SHBG: variants seen among roughly 807,000 people sequenced by gnomAD.
SHBG encodes the protein sex hormone-binding globulin.
Under a neutral mutation model 41.9 loss-of-function variants are expected in SHBG, and 37 were observed. The observed-to-expected ratio is 0.88, with a 90% CI of 0.68 to 1.16. The LOEUF is 1.16. Ranked by LOEUF, SHBG falls within the 50% of genes most tolerant of loss-of-function variation. The pLI is 0.00. For synonymous variants in SHBG, 217 were observed against 205.8 expected (o/e 1.05, Z -0.47); for missense variants, 466 against 499.9 (o/e 0.93, Z 0.65).
upstream of SHBG, chr17:7,630,068 C>T (rs2072347248): frequency 1.6e-5 from 15 of 954,202 alleles, no homozygotes; most frequent in East Asian, 3.6e-4. This position sits in a 1 kb window ranked among gnomAD's most constrained non-coding sequence, Gnocchi z 4.6. Flanking sequence ...TTTACCCCCT[C>T]CTCCCCGGGC....
Position 7,632,873 on chromosome 17 carries a change from C to A in SHBG, c.974C>A (p.Ala325Asp), listed in dbSNP as rs376443864. The A allele has an allele frequency of 1.9e-5, 31 of 1,614,052 alleles. No individual in the cohort carries two copies. Among genetic ancestry groups the A allele is most frequent in the East Asian group, 1.6e-4 (7 of 44,894 alleles). Reference protein sequence around the residue: ...VVLSQGSKMKALALPPLGLAP... With the variant: ...VVLSQGSKMKDLALPPLGLAP... ...TTGAGCCAAGGGTCGAAGATGAAGG[C>A]CCTTGCCCTGCCTCCCTTAGGCCTG... The change falls in exon 7 of 8, where the codon GCC becomes GAC. Residue 325 changes from alanine to aspartate, a missense_variant. Transcript: ENST00000380450.
rs566103575 is a variant in SHBG at position 7,630,467 on chromosome 17, C to A, written c.163C>A (p.Pro55Thr). 12 of 1,614,140 alleles carry A rather than the reference C, an allele frequency of 7.4e-6. No individual in the cohort carries two copies. In the South Asian group the frequency reaches 8.8e-5, roughly 12 times the overall value. The change falls in exon 2 of 8, where the codon CCT becomes ACT. Residue 55 changes from proline to threonine, a missense_variant. Physicochemically the swap from Pro to Thr is conservative, Grantham distance 38. Transcript: ENST00000380450. The surrounding 1 kb of genome is among the most constrained non-coding windows in gnomAD (Gnocchi z 4.6). ...VHLSNGPGQE[P>T]IAVMTFDLTK... Reference sequence around the variant, plus strand: ...CCTCAGCAATGGCCCAGGACAAGAGCCTATCGCTGTCATGACCTTTGACCT... The same window carrying A: ...CCTCAGCAATGGCCCAGGACAAGAGACTATCGCTGTCATGACCTTTGACCT...
At chr17:7,618,552 C>A (rs978053832) in intron 1 of SHBG, among the ~76,000 whole-genome samples, 1 of 152,070 alleles carries the variant, frequency 6.6e-6, no homozygotes, top group Admixed American at 6.6e-5. Flanking sequence ...GGTGGGTCAC[C>A]CACCTCGGCT....
upstream of SHBG, chr17:7,627,539 G>A (rs139435483): frequency 1.2e-3 from 1,971 of 1,601,910 alleles, 40 homozygotes; most frequent in East Asian, 0.039. This position sits in a 1 kb window ranked among gnomAD's most constrained non-coding sequence, Gnocchi z 4.8. Flanking sequence ...GCGCCACTCT[G>A]ACCCCCGGGT....
At chr17:7,627,213 A>C (rs764097160), upstream of SHBG, 14 of 1,614,140 alleles carry the variant, frequency 8.7e-6, no homozygotes, top group East Asian at 3.1e-4. The surrounding 1 kb of genome is among the most constrained non-coding windows in gnomAD (Gnocchi z 4.8). Flanking sequence ...CTCCAAAGCC[A>C]TCTGCTCTCA....
chr17:7,630,617 A>G lies in SHBG; in HGVS notation c.204-63A>G. On this transcript the variant is annotated intron_variant, in intron 2 of 7. Transcript: ENST00000380450. This position sits in a 1 kb window ranked among gnomAD's most constrained non-coding sequence, Gnocchi z 4.6. ...CTTATCTGTGAACACCATCTCCCCC[A>G]AACCCACACTGGTTCTCAAAGGACA... is the stretch of plus-strand genomic sequence containing the variant. 6.4e-7 allele frequency: 1 copy of G among 1,557,390 alleles called. No individual in the cohort carries two copies.
At chr17:7,614,861 A>T (rs2071935888) in intron 1 of SHBG, 1 of 158,960 alleles carries the variant, frequency 6.3e-6, no homozygotes, top group Non-Finnish European at 1.4e-5. Flanking sequence ...CTGCCGCTCC[A>T]CAGCCTCCAC....
At chr17:7,616,076 G>T (rs868596688) in intron 1 of SHBG, among the ~76,000 whole-genome samples, 2 of 145,720 alleles carry the variant, frequency 1.4e-5, no homozygotes, top group African/African-American at 2.5e-5. Flanking sequence ...CCGAGATCAC[G>T]GGCGGGCGGA....
At chr17:7,626,992 C>A (rs371080153), upstream of SHBG, 20 of 1,614,002 alleles carry the variant, frequency 1.2e-5, no homozygotes, top group African/African-American at 2.1e-4. Flanking sequence ...TGGTGCGTCC[C>A]TTCCATGTAC....
upstream of SHBG, chr17:7,626,283 G>T (rs2072203349): frequency 1.4e-6 from 1 of 695,964 alleles, no homozygotes; most frequent in East Asian, 2.6e-5. Context: ...AGGAAGAAAG[G>T]TCTCTCCCTC....
chr17:7,617,874 G>A (rs59524396), intron 1 of SHBG, among the ~76,000 whole-genome samples: 19,254 of 152,082 alleles, frequency 0.13, 2,205 homozygotes, highest in African/African-American at 0.27. Context: ...ACTTGAGCTC[G>A]GGCGTTCAGG....
chr17:7,627,819 G>A (rs1329126062), upstream of SHBG: 1 of 704,770 alleles, frequency 1.4e-6, no homozygotes, highest in South Asian at 1.6e-5. The surrounding 1 kb of genome is among the most constrained non-coding windows in gnomAD (Gnocchi z 4.8). Context: ...TACGGGAGGA[G>A]AGAGTAGGCC....
chr17:7,621,699 T>C (rs980456856), intron 1 of SHBG, among the ~76,000 whole-genome samples: 2 of 149,036 alleles, frequency 1.3e-5, no homozygotes, highest in Non-Finnish European at 3.0e-5. Flanking sequence ...ATAATGTATA[T>C]CTGTGAAAAA....
At chr17:7,627,145 A>G (rs2072237799), upstream of SHBG, 1 of 1,614,042 alleles carries the variant, frequency 6.2e-7, no homozygotes, top group Non-Finnish European at 8.5e-7. This position sits in a 1 kb window ranked among gnomAD's most constrained non-coding sequence, Gnocchi z 4.8. Flanking sequence ...GCTCTTACCC[A>G]GTAGCTTCCC....
At chr17:7,625,986 G>A (rs183143595), upstream of SHBG, among the ~76,000 whole-genome samples, 124 of 151,386 alleles carry the variant, frequency 8.2e-4, no homozygotes, top group African/African-American at 2.9e-3. Flanking sequence ...GACGGATCAC[G>A]AGATCAGGAG....
rs2072353983 is a variant in SHBG at position 7,630,216 on chromosome 17, T to C, written c.44T>C (p.Leu15Ser). 6.2e-7 allele frequency: 1 copy of C among 1,613,124 alleles called. No homozygotes were observed. ...CTGGCTACCTCGCGCCTGCTGCTGTTGCTGCTGTTGCTACTACTGCGTCAC... is the reference window on the plus strand; with the variant it reads ...CTGGCTACCTCGCGCCTGCTGCTGTCGCTGCTGTTGCTACTACTGCGTCAC... ...GPLATSRLLL[L>S]LLLLLLRHTR... The change falls in exon 1 of 8, where the codon TTG becomes TCG. Residue 15 changes from leucine to serine, a missense_variant. By Grantham distance (145) the Leu-to-Ser change is moderately radical. Transcript: ENST00000380450. This position sits in a 1 kb window ranked among gnomAD's most constrained non-coding sequence, Gnocchi z 4.6.
rs1192732454 is a variant in SHBG, at chr17:7,630,622, C to T, written c.204-58C>T. 10 of 1,560,990 alleles carry T rather than the reference C, an allele frequency of 6.4e-6. No individual in the cohort carries two copies. In the Admixed American group the frequency reaches 1.5e-4, roughly 24 times the overall value. On this transcript the variant is annotated intron_variant, in intron 2 of 7. Coordinates refer to ENST00000380450, the MANE Select transcript of SHBG (RefSeq NM_001040.5). This position sits in a 1 kb window ranked among gnomAD's most constrained non-coding sequence, Gnocchi z 4.6. Reference sequence around the variant, plus strand: ...CTGTGAACACCATCTCCCCCAAACCCACACTGGTTCTCAAAGGACACATGA... The same window carrying T: ...CTGTGAACACCATCTCCCCCAAACCTACACTGGTTCTCAAAGGACACATGA...
Position 7,631,341 on chromosome 17 carries a change from G to T in SHBG, c.535G>T (p.Ala179Ser). The T allele has an allele frequency of 6.2e-7, 1 of 1,613,420 alleles. No individual in the cohort carries two copies. Among genetic ancestry groups the T allele is most frequent in the Non-Finnish European group, 8.5e-7 (1 of 1,179,748 alleles). Residue 179 changes from alanine to serine, a missense_variant, in exon 4 of 8, where the codon GCT becomes TCT. Coordinates refer to ENST00000380450, the MANE Select transcript of SHBG (RefSeq NM_001040.5). ...RIALGGLLFP[A>S]SNLRLPLVPA... ...TGCGCTTGGGGGGCTGCTCTTCCCC[G>T]CTTCCAACCTTCGGTTGCCGGTAAC...
chr17:7,614,608 G>T (rs2071926857), intron 1 of SHBG: 1 of 936,520 alleles, frequency 1.1e-6, no homozygotes, highest in Non-Finnish European at 1.4e-6. Context: ...CAGGCCCCCG[G>T]CGTCTCCCCG....
Sources: allele counts gnomAD v4.1 joint callset (sites outside exome capture counted in the v4.1 genomes callset), GRCh38; gene constraint gnomAD v4.1.1; non-coding constraint Gnocchi (gnomAD v3.1); transcripts MANE v1.5; gene names NCBI Gene and HGNC (gene_info 2026-07-23, HGNC 2026-07-21).